Variants in WWOX observed in about 807,000 individuals in gnomAD.
WWOX encodes WW domain-containing oxidoreductase.
In WWOX, 69 loss-of-function variants were observed where a neutral mutation model predicts 46.2. The observed-to-expected ratio is 1.49, with a 90% CI of 1.23 to 1.82. The LOEUF (loss-of-function observed/expected upper bound fraction) is 1.82, where lower values mean the gene tolerates loss of function less well. Among genes scored for constraint, WWOX ranks in the 40% most tolerant of loss-of-function variants. The pLI is 0.00. For synonymous variants in WWOX, 359 were observed against 202.6 expected (o/e 1.77, Z -6.56); for missense variants, 919 against 542.6 (o/e 1.69, Z -6.89).
chr16:78,870,013 C>G (rs1054229791), intron 8 of WWOX, among the ~76,000 whole-genome samples: 1 of 152,220 alleles, frequency 6.6e-6, no homozygotes, highest in African/African-American at 2.4e-5. Context: ...CTCCACTGAT[C>G]TGTCTTCCAG....
At position 78,740,703 on chromosome 16, in the gene WWOX, C is replaced by T. The variant is rs187750889; in HGVS notation, c.1056+307951C>T. On this transcript the variant is annotated intron_variant, in intron 8 of 8. Coordinates refer to ENST00000566780, the MANE Select transcript of WWOX (RefSeq NM_016373.4). The stretch of plus-strand genomic sequence containing the variant: ...GGCTGCCAGTTGGCCGATTGAAGCG[C>T]TAGTAATTGGGGCAAGGGAAGCATT... Among the ~76,000 whole-genome samples, 78 of 152,200 alleles carry T rather than the reference C, an allele frequency of 5.1e-4. 1 individual carries two copies. In the East Asian group the frequency reaches 0.015, roughly 29 times the overall value.
chr16:79,212,048 GTAAAAACCTGC>G lies in WWOX; in HGVS notation c.*254_*264del. On this transcript the variant is annotated 3_prime_UTR_variant, in exon 9 of 9. Transcript: ENST00000566780. ...CTTTCTGGTGGTGGCCTGTTTGAAA[GTAAAAACCTGC>G]TTGGTGTGTAGGTTCCGTATCTCCC... The G allele has an allele frequency of 1.3e-6, 2 of 1,536,360 alleles. No individual in the cohort carries two copies. Among genetic ancestry groups the G allele is most frequent in the Non-Finnish European group, 1.7e-6 (2 of 1,146,928 alleles).
At chr16:79,145,104 T>C (rs1325389094) in intron 8 of WWOX, among the ~76,000 whole-genome samples, 1 of 152,186 alleles carries the variant, frequency 6.6e-6, no homozygotes, top group Admixed American at 6.5e-5. Context: ...GGGTCAGAGC[T>C]TGTTGAAAGG....
Position 78,751,852 on chromosome 16 carries a change from G to A in WWOX, c.1056+319100G>A, listed in dbSNP as rs149408189. 8.0e-4 allele frequency among the ~76,000 whole-genome samples: 121 copies of A among 151,462 alleles called. 1 individual carries two copies. Among genetic ancestry groups the A allele is most frequent in the Middle Eastern group, 3.4e-3 (1 of 290 alleles). On this transcript the variant is annotated intron_variant, in intron 8 of 8. Coordinates refer to ENST00000566780, the MANE Select transcript of WWOX (RefSeq NM_016373.4). Reference sequence around the variant, plus strand: ...AAAAGAAAGGAAGGAGGGAGGGAAGGTAAGAAAGAAATTAATTCCCATTTT... The same window carrying A: ...AAAAGAAAGGAAGGAGGGAGGGAAGATAAGAAAGAAATTAATTCCCATTTT...
At chr16:78,976,580 A>C (rs2046576914) in intron 8 of WWOX, among the ~76,000 whole-genome samples, 1 of 152,230 alleles carries the variant, frequency 6.6e-6, no homozygotes, top group Non-Finnish European at 1.5e-5. Context: ...GGGATCTTGC[A>C]GCTGCGAAAA....
chr16:78,440,418 A>G (rs2083418330), intron 8 of WWOX, among the ~76,000 whole-genome samples: 2 of 152,106 alleles, frequency 1.3e-5, no homozygotes, highest in Admixed American at 1.3e-4. Context: ...TGAACAGCAC[A>G]CGTCAAGGAA....
chr16:78,838,278 G>C (rs1371770690), intron 8 of WWOX, among the ~76,000 whole-genome samples: 1 of 152,088 alleles, frequency 6.6e-6, no homozygotes. Flanking sequence ...AAAAAGACAG[G>C]GTAGTTGGGC....
chr16:78,409,404 G>A (rs755464359), intron 6 of WWOX, among the ~76,000 whole-genome samples: 1 of 151,916 alleles, frequency 6.6e-6, no homozygotes, highest in Non-Finnish European at 1.5e-5. Flanking sequence ...GGGAACCATT[G>A]ATCTTTTTTC....
At chr16:78,403,842 T>C (rs536787493) in intron 6 of WWOX, among the ~76,000 whole-genome samples, 1 of 152,214 alleles carries the variant, frequency 6.6e-6, no homozygotes, top group Non-Finnish European at 1.5e-5. Flanking sequence ...ACTTTTGACT[T>C]CTTAGCCATG....
At chr16:78,444,198 C>A (rs1379902195) in intron 8 of WWOX, among the ~76,000 whole-genome samples, 1 of 152,174 alleles carries the variant, frequency 6.6e-6, no homozygotes, top group Non-Finnish European at 1.5e-5. Context: ...GCTCTGTGGT[C>A]ATGGGTTTCC....
chr16:78,864,643 A>T (rs1229976796), intron 8 of WWOX, among the ~76,000 whole-genome samples: 1 of 151,302 alleles, frequency 6.6e-6, no homozygotes, highest in Non-Finnish European at 1.5e-5. Flanking sequence ...TTGAGGTCCC[A>T]TTGGGCCCAG....
At chr16:78,332,864 C>A (rs1200004064) in intron 5 of WWOX, among the ~76,000 whole-genome samples, 1 of 151,984 alleles carries the variant, frequency 6.6e-6, no homozygotes, top group African/African-American at 2.4e-5. Flanking sequence ...TGCTTCATGT[C>A]GCACAGTTCA....
intron 5 of WWOX, among the ~76,000 whole-genome samples, chr16:78,195,383 C>T (rs1233689075): frequency 6.6e-6 from 1 of 152,152 alleles, no homozygotes; most frequent in Non-Finnish European, 1.5e-5. Context: ...AGCTGGCTCA[C>T]CTCCTACTGG....
In WWOX at chr16:78,927,419, G is replaced by A. The variant is rs116160724; in HGVS notation, c.1057-284189G>A. 5.8e-3 allele frequency among the ~76,000 whole-genome samples: 877 copies of A among 152,256 alleles called. 7 individuals carry two copies. The highest frequency in any genetic ancestry group is 0.02 in the African/African-American group (850 of 41,538). ...CTGTTCTTATGTCTGTTATTACCAT[G>A]TGTCTGTCTACATGTTTGTTTGTAA... is the stretch of plus-strand genomic sequence containing the variant. On this transcript the variant is annotated intron_variant, in intron 8 of 8. Transcript: ENST00000566780.
chr16:78,519,003 A>G (rs973924551), intron 8 of WWOX, among the ~76,000 whole-genome samples: 4 of 152,198 alleles, frequency 2.6e-5, no homozygotes, highest in African/African-American at 9.6e-5. Flanking sequence ...TTTCTCACCT[A>G]CTGGCAAGTG....
At chr16:79,078,535 C>T (rs567019003) in intron 8 of WWOX, among the ~76,000 whole-genome samples, 60 of 152,270 alleles carry the variant, frequency 3.9e-4, no homozygotes, top group Non-Finnish European at 2.6e-4. Context: ...CCATTTTTAA[C>T]CTTGACTGCA....
At chr16:78,852,162 C>G (rs910442806) in intron 8 of WWOX, among the ~76,000 whole-genome samples, 2 of 152,152 alleles carry the variant, frequency 1.3e-5, no homozygotes, top group Admixed American at 6.5e-5. Context: ...GAGCATGGCA[C>G]TGTCTAGAGA....
chr16:78,781,036 A>C (rs1308055782), intron 8 of WWOX, among the ~76,000 whole-genome samples: 3 of 152,242 alleles, frequency 2.0e-5, no homozygotes, highest in Admixed American at 2.0e-4. Flanking sequence ...CCACATTTGG[A>C]AGATTGTTTT....
chr16:78,945,469 A>G (rs1245042331), intron 8 of WWOX, among the ~76,000 whole-genome samples: 2 of 152,216 alleles, frequency 1.3e-5, no homozygotes, highest in Non-Finnish European at 2.9e-5. Flanking sequence ...GTAACTAAAA[A>G]AGTTTTGGGG....
Sources: gnomAD v4.1 joint callset for allele counts (sites outside exome capture counted in the v4.1 genomes callset) on GRCh38, gnomAD v4.1.1 for gene constraint, MANE v1.5 for transcripts, NCBI Gene and HGNC (gene_info 2026-07-23, HGNC 2026-07-21) for gene names.